The following CLEC2L variants were observed in gnomAD, a reference collection of about 807,000 sequenced individuals.
CLEC2L encodes the protein C-type lectin domain family 2 member L, also known as C-type lectin domain family 2, member L.
In CLEC2L, 14 loss-of-function variants were observed where a neutral mutation model predicts 23.6. The observed-to-expected ratio is 0.59, with a 90% CI of 0.39 to 0.93. CLEC2L has a LOEUF of 0.93. Among genes scored for constraint, CLEC2L ranks in the 40% least tolerant of loss-of-function variants. The pLI, the probability that CLEC2L is intolerant of heterozygous loss-of-function variation, is 0.00. For synonymous variants in CLEC2L, 114 were observed against 121.3 expected, an observed-to-expected ratio of 0.94 and a Z score of 0.40; for missense variants, 264 against 282.4, an observed-to-expected ratio of 0.93 and a Z score of 0.47.
chr7:139,538,122 G>T (rs951126702), intron 2 of CLEC2L, among the ~76,000 whole-genome samples: 1 of 152,138 alleles, frequency 6.6e-6, no homozygotes, highest in Non-Finnish European at 1.5e-5. Context: ...CAAGGAGAGG[G>T]GTTCTGAGTG....
chr7:139,527,151 AG>A, intron 1 of CLEC2L, among the ~76,000 whole-genome samples: 1 of 152,258 alleles, frequency 6.6e-6, no homozygotes, highest in Admixed American at 6.5e-5. Flanking sequence ...CTCCCCTTGC[AG>A]GGGGGCTGGT....
rs146929913 is a variant in CLEC2L, at chr7:139,542,341, A to G, written c.533+220A>G. On this transcript the variant is annotated intron_variant, in intron 4 of 4. Transcript: ENST00000422142. ...CCTGGCTTGGTGGCTCTGCCCTGCA[A>G]AGCCATCAGAGCTTCGCGGTGTCCG... Among the ~76,000 whole-genome samples, 680 of 152,250 alleles carry G rather than the reference A, an allele frequency of 4.5e-3. 6 individuals carry two copies. Among genetic ancestry groups the G allele is most frequent in the African/African-American group, 0.016 (648 of 41,548 alleles).
At chr7:139,536,508 A>T (rs994234784) in intron 2 of CLEC2L, among the ~76,000 whole-genome samples, 160 bp downstream of exon 2, 1 of 152,198 alleles carries the variant, frequency 6.6e-6, no homozygotes, top group South Asian at 2.1e-4. Context: ...TTCAGCTTAA[A>T]ATAATATATT....
intron 4 of CLEC2L, among the ~76,000 whole-genome samples, chr7:139,542,678 T>C (rs1411100175): frequency 1.3e-5 from 2 of 152,214 alleles, no homozygotes; most frequent in African/African-American, 4.8e-5. Context: ...AACGCATCTC[T>C]TGATGGACGG....
intron 1 of CLEC2L, among the ~76,000 whole-genome samples, chr7:139,533,353 T>C (rs1032784928): frequency 2.0e-5 from 3 of 152,234 alleles, no homozygotes; most frequent in Non-Finnish European, 4.4e-5. Flanking sequence ...GCAATGTTAT[T>C]ACTACTATTA....
chr7:139,526,904 CGT>C (rs371934861), intron 1 of CLEC2L, among the ~76,000 whole-genome samples: 3 of 152,322 alleles, frequency 2.0e-5, no homozygotes, highest in African/African-American at 4.8e-5. Flanking sequence ...CCAGAGTTCA[CGT>C]AATGAAACAC....
chr7:139,540,806 C>T lies in CLEC2L; in HGVS notation c.432+319C>T, dbSNP rs1797723020. Among the ~76,000 whole-genome samples the T allele has an allele frequency of 6.6e-6, 1 of 152,152 alleles. No individual in the cohort carries two copies. The highest frequency in any genetic ancestry group is 2.4e-5 in the African/African-American group (1 of 41,434). On this transcript the variant is annotated intron_variant, in intron 3 of 4. Transcript: ENST00000422142. This position sits in a 1 kb window ranked among gnomAD's most constrained non-coding sequence, Gnocchi z 5.8. ...ATGTGGTATCCACCTCTAGTACCAG[C>T]TACTCAGGAGGCTGAGGCAGGAGGA...
chr7:139,536,799 ACCCGGTCT>A (rs1378182747), intron 2 of CLEC2L, among the ~76,000 whole-genome samples: 1 of 151,734 alleles, frequency 6.6e-6, no homozygotes, highest in African/African-American at 2.4e-5. Flanking sequence ...ACATGGTGAA[ACCCGGTCT>A]CTACTAAAAG....
intron 1 of CLEC2L, among the ~76,000 whole-genome samples, chr7:139,525,017 G>A (rs1300451904): frequency 2.6e-5 from 4 of 152,164 alleles, no homozygotes; most frequent in African/African-American, 7.2e-5. Context: ...AGAGCATGAC[G>A]TATCCCAGGC....
chr7:139,529,878 C>T lies in CLEC2L; in HGVS notation c.190+5761C>T, dbSNP rs751703508. ...GGTCAGGAGTTTGAGACCAATCTGGCCAACGTGGAGAAACCCCAACTCTAC... is the reference window on the plus strand; with the variant it reads ...GGTCAGGAGTTTGAGACCAATCTGGTCAACGTGGAGAAACCCCAACTCTAC... On this transcript the variant is annotated intron_variant, in intron 1 of 4. Transcript: ENST00000422142. 2.6e-5 allele frequency among the ~76,000 whole-genome samples: 4 copies of T among 152,166 alleles called. No homozygotes were observed. The Middle Eastern group carries it at 0.01, about 388-fold the overall frequency.
At chr7:139,541,947 A>T (rs1199894377) in intron 3 of CLEC2L, 74 bp from the exon 4 acceptor site, 1 of 957,078 alleles carries the variant, frequency 1.0e-6, no homozygotes, top group Non-Finnish European at 1.6e-6. Context: ...TTCCAAGCTG[A>T]GGTTTGTCTT....
chr7:139,541,939 C>T (rs771820793), intron 3 of CLEC2L, 82 bp from the exon 4 acceptor site: 42 of 921,056 alleles, frequency 4.6e-5, no homozygotes, highest in Non-Finnish European at 7.1e-5. Context: ...CCAGTATCTT[C>T]CAAGCTGAGG....
chr7:139,524,083 C>A lies in CLEC2L; in HGVS notation c.156C>A (p.Tyr52Ter). Reference sequence around the variant, plus strand: ...TGCTGCGGCGATCCGGGTCGGGCTACGAGGGCAGCACCAGCTGGAAGGCGG... The same window carrying A: ...TGCTGCGGCGATCCGGGTCGGGCTAAGAGGGCAGCACCAGCTGGAAGGCGG... ...EGLLRRSGSGYEGSTSWKAAL... is the reference protein window; with the variant it reads ...EGLLRRSGSG The change falls in exon 1 of 5, where the codon TAC (tyrosine) becomes TAA (stop). Residue 52 changes from tyrosine to a stop codon, truncating the protein, a stop_gained. Transcript: ENST00000422142. LOFTEE classifies it high-confidence loss of function. 1 of 1,226,756 alleles carries A rather than the reference C, an allele frequency of 8.2e-7. No homozygotes were observed. Among genetic ancestry groups the A allele is most frequent in the Non-Finnish European group, 1.0e-6 (1 of 982,156 alleles). 76.0% of individuals were successfully genotyped at this position (1,226,756 alleles called of 1,614,324 possible).
intron 1 of CLEC2L, among the ~76,000 whole-genome samples, chr7:139,527,638 C>T (rs544634038): frequency 3.9e-5 from 6 of 152,198 alleles, no homozygotes; most frequent in South Asian, 2.1e-4. Flanking sequence ...AGAAGTGATT[C>T]GAGATGGGCA....
chr7:139,528,336 A>T (rs113101667), intron 1 of CLEC2L, among the ~76,000 whole-genome samples: 1,884 of 152,288 alleles, frequency 0.012, 40 homozygotes, highest in African/African-American at 0.042. Flanking sequence ...AAGGCACTGT[A>T]TTAGTCCGTT....
intron 1 of CLEC2L, among the ~76,000 whole-genome samples, chr7:139,524,515 C>T (rs147307300): frequency 0.01 from 1,550 of 152,232 alleles, 28 homozygotes; most frequent in African/African-American, 0.036. Context: ...AAGCTGGAGA[C>T]CCCAGAGGTG....
In CLEC2L at chr7:139,531,901, C is replaced by T. The variant is rs541577028; in HGVS notation, c.191-4373C>T. On this transcript the variant is annotated intron_variant, in intron 1 of 4. Coordinates refer to ENST00000422142, the MANE Select transcript of CLEC2L (RefSeq NM_001080511.4). ...CTCCACCCTGGGCAACAGAGCAAGA[C>T]TCTGTCTCAAAAAAAAAAAGAAAAA... Among the ~76,000 whole-genome samples the T allele has an allele frequency of 1.9e-4, 28 of 150,186 alleles. 1 individual carries two copies. In the South Asian group the frequency reaches 5.7e-3, roughly 30 times the overall value.
intron 1 of CLEC2L, among the ~76,000 whole-genome samples, chr7:139,533,175 G>C (rs918587589): frequency 6.6e-6 from 1 of 152,096 alleles, no homozygotes; most frequent in African/African-American, 2.4e-5. Context: ...AGGGTAGAAT[G>C]GTAATGCAGA....
chr7:139,532,907 A>G (rs1285215173), intron 1 of CLEC2L, among the ~76,000 whole-genome samples: 1 of 152,190 alleles, frequency 6.6e-6, no homozygotes, highest in African/African-American at 2.4e-5. Flanking sequence ...CTGAACTAAG[A>G]CCAAAGTGAA....
Sources: gnomAD v4.1 joint callset for allele counts (sites outside exome capture counted in the v4.1 genomes callset) on GRCh38, gnomAD v4.1.1 for gene constraint, Gnocchi (gnomAD v3.1) non-coding constraint, MANE v1.5 for transcripts, NCBI Gene and HGNC (gene_info 2026-07-23, HGNC 2026-07-21) for gene names.